The following WDR7 variants were observed in gnomAD, a reference collection of about 807,000 sequenced individuals.
WDR7 encodes WD repeat-containing protein 7.
A neutral mutation model predicts 169.4 loss-of-function variants in WDR7; 46 were observed. The observed-to-expected ratio is 0.27, with a 90% CI of 0.21 to 0.35. The LOEUF is 0.35. Among genes scored for constraint, WDR7 ranks in the 10% least tolerant of loss-of-function variants. The pLI is 1.00. For synonymous variants in WDR7, 612 were observed against 666.8 expected, an observed-to-expected ratio of 0.92 and a Z score of 1.27; for missense variants, 1,534 against 1,859.3, an observed-to-expected ratio of 0.83 and a Z score of 3.22.
intron 20 of WDR7, among the ~76,000 whole-genome samples, chr18:56,843,191 C>T (rs1200619226): frequency 6.6e-6 from 1 of 152,152 alleles, no homozygotes; most frequent in Non-Finnish European, 1.5e-5. Context: ...GAAAATTGGG[C>T]ATTAGATCAC....
chr18:56,871,405 T>C (rs8098116), intron 20 of WDR7, among the ~76,000 whole-genome samples: 7,228 of 152,254 alleles, frequency 0.047, 617 homozygotes, highest in African/African-American at 0.17. Context: ...TGTGAGATCT[T>C]ACAGCTCACT....
intron 20 of WDR7, among the ~76,000 whole-genome samples, chr18:56,870,206 AT>A (rs1031880241): frequency 1.3e-4 from 20 of 152,156 alleles, no homozygotes; most frequent in Non-Finnish European, 2.6e-4. Flanking sequence ...TGTTTTTAAG[AT>A]TTTTTTCCTA....
At chr18:56,988,737 CA>C (rs1487053684) in intron 26 of WDR7, among the ~76,000 whole-genome samples, 1 of 151,148 alleles carries the variant, frequency 6.6e-6, no homozygotes, top group Non-Finnish European at 1.5e-5. Context: ...TGCTTTAATT[CA>C]AAAAAAGTTA....
intron 1 of WDR7, among the ~76,000 whole-genome samples, chr18:56,657,426 G>A (rs553793664): frequency 1.3e-5 from 2 of 152,284 alleles, no homozygotes; most frequent in East Asian, 3.9e-4. Flanking sequence ...TGGGATTACA[G>A]GCGTGAGCCA....
chr18:56,886,272 C>A (rs141659900), intron 21 of WDR7, among the ~76,000 whole-genome samples: 10 of 152,242 alleles, frequency 6.6e-5, no homozygotes, highest in African/African-American at 2.4e-4. Context: ...AGATTAACAG[C>A]AGATTTCTCA....
intron 20 of WDR7, among the ~76,000 whole-genome samples, chr18:56,817,602 A>G (rs1007317895): frequency 6.6e-6 from 1 of 152,160 alleles, no homozygotes; most frequent in Non-Finnish European, 1.5e-5. Flanking sequence ...AATTCTTTTT[A>G]GTGTGTAAGT....
chr18:56,871,710 G>A (rs1002790271), intron 20 of WDR7, among the ~76,000 whole-genome samples: 9 of 151,638 alleles, frequency 5.9e-5, no homozygotes, highest in South Asian at 2.1e-4. Context: ...TGTGAATTTC[G>A]TTTGGACTCC....
chr18:56,731,304 T>G, intron 13 of WDR7, 79 bp from the exon 14 acceptor site: 1 of 1,486,830 alleles, frequency 6.7e-7, no homozygotes, highest in African/African-American at 1.4e-5. Context: ...TAAAAAATTT[T>G]CATACCATTT....
At chr18:56,819,924 A>G (rs2045057789) in intron 20 of WDR7, among the ~76,000 whole-genome samples, 1 of 152,138 alleles carries the variant, frequency 6.6e-6, no homozygotes, top group South Asian at 2.1e-4. Context: ...ACATTTATAA[A>G]TAACACTTTC....
At chr18:56,953,324 T>C (rs1466752448) in intron 25 of WDR7, among the ~76,000 whole-genome samples, 1 of 152,234 alleles carries the variant, frequency 6.6e-6, no homozygotes, top group Non-Finnish European at 1.5e-5. Flanking sequence ...ATGGTGTTTA[T>C]CTTTAGAACT....
chr18:57,004,486 AATCT>A (rs1227500068), intron 26 of WDR7, among the ~76,000 whole-genome samples: 1 of 152,134 alleles, frequency 6.6e-6, no homozygotes, highest in Non-Finnish European at 1.5e-5. Context: ...CTGGCCCAGA[AATCT>A]ATCTGTCGCA....
At chr18:56,886,138 A>G (rs1299815704) in intron 21 of WDR7, among the ~76,000 whole-genome samples, 1 of 152,212 alleles carries the variant, frequency 6.6e-6, no homozygotes, top group Non-Finnish European at 1.5e-5. Flanking sequence ...CACCTGAGAA[A>G]TTTATCACAA....
chr18:57,020,804 T>C lies in WDR7; in HGVS notation c.4224T>C (p.Tyr1408=). 6 of 1,614,204 alleles carry C rather than the reference T, an allele frequency of 3.7e-6. No homozygotes were observed. Among genetic ancestry groups the C allele is most frequent in the South Asian group, 1.1e-5 (1 of 91,076 alleles). ...TGGCTTTTGCTCCTGATGGAAGATA[T>C]CTTGCCACCTACTCAAACACTGACA... The part of the protein sequence containing the change: ...TAVAFAPDGR[Y]LATYSNTDSH... Residue 1408 remains tyrosine (Y), a synonymous_variant, in exon 27 of 28, where the codon TAT becomes TAC. Transcript: ENST00000254442.
In WDR7 at chr18:56,674,452, C is replaced by A. The variant is rs533400043; in HGVS notation, c.159+1778C>A. ...TATCTTCTCTGGCAAACTGTCTATT[C>A]AGAGTCTTTGCCCATTAAAAAAATT... is the stretch of plus-strand genomic sequence containing the variant. On this transcript the variant is annotated intron_variant, in intron 2 of 27. Transcript: ENST00000254442. 2.6e-5 allele frequency among the ~76,000 whole-genome samples: 4 copies of A among 152,160 alleles called. No individual in the cohort carries two copies. In the South Asian group the frequency reaches 8.3e-4, roughly 32 times the overall value.
At chr18:56,678,300 G>T (rs545949253) in intron 2 of WDR7, among the ~76,000 whole-genome samples, 4 of 152,254 alleles carry the variant, frequency 2.6e-5, no homozygotes, top group East Asian at 3.9e-4. Flanking sequence ...ATTTGGTGAG[G>T]TTGTGTTTTC....
At chr18:56,844,683 G>T (rs2045542056) in intron 20 of WDR7, among the ~76,000 whole-genome samples, 1 of 152,318 alleles carries the variant, frequency 6.6e-6, no homozygotes, top group South Asian at 2.1e-4. Flanking sequence ...GCCTTACAAG[G>T]CTAAAGGCTA....
chr18:56,933,911 C>A (rs897470449), intron 22 of WDR7, among the ~76,000 whole-genome samples: 1 of 152,212 alleles, frequency 6.6e-6, no homozygotes, highest in Non-Finnish European at 1.5e-5. Context: ...CCTTCCAGAT[C>A]TAGGAGGGGC....
intron 7 of WDR7, among the ~76,000 whole-genome samples, chr18:56,687,512 C>G (rs1310500720): frequency 2.0e-5 from 3 of 152,168 alleles, no homozygotes; most frequent in Admixed American, 2.0e-4. Flanking sequence ...TTCTTTTAAT[C>G]CTTACAACTC....
At chr18:56,686,788 A>G in intron 6 of WDR7, 67 bp from the exon 7 acceptor site, 3 of 1,338,474 alleles carry the variant, frequency 2.2e-6, no homozygotes, top group Non-Finnish European at 3.2e-6. Context: ...TGTTGCCTTT[A>G]TCATTGTGTG....
Sources: gnomAD v4.1 joint callset for allele counts (sites outside exome capture counted in the v4.1 genomes callset) on GRCh38, gnomAD v4.1.1 for gene constraint, MANE v1.5 for transcripts, NCBI Gene and HGNC (gene_info 2026-07-23, HGNC 2026-07-21) for gene names.